The following TRAIP variants were observed in gnomAD, a reference collection of about 807,000 sequenced individuals.
The protein encoded by TRAIP is TRAF interacting protein.
TRAIP carries 37 observed loss-of-function variants against 65.0 expected under a neutral mutation model. The ratio of observed to expected loss-of-function variants is 0.57; its 90% CI spans 0.44 to 0.75. The LOEUF (loss-of-function observed/expected upper bound fraction) is 0.75, where lower values mean the gene tolerates loss of function less well. TRAIP is among the 30% of genes least tolerant of loss of function. TRAIP has a pLI of 0.00. For synonymous variants in TRAIP, 187 were observed against 219.1 expected (o/e 0.85, Z 1.29); for missense variants, 481 against 579.4 (o/e 0.83, Z 1.74).
chr3:49,840,063 C>T (rs2108315098), intron 9 of TRAIP, among the ~76,000 whole-genome samples: 1 of 152,334 alleles, frequency 6.6e-6, no homozygotes, highest in South Asian at 2.1e-4. Context: ...AAGTGCAGGA[C>T]AGACTATGAG....
At chr3:49,856,242 A>T in intron 1 of TRAIP, 114 bp downstream of exon 1, 1 of 878,672 alleles carries the variant, frequency 1.1e-6, no homozygotes, top group Non-Finnish European at 1.8e-6. Flanking sequence ...GTCTAGGAGG[A>T]AGGTTCTCAT....
chr3:49,838,504 A>C (rs2081807774), intron 10 of TRAIP, among the ~76,000 whole-genome samples: 1 of 152,228 alleles, frequency 6.6e-6, no homozygotes, highest in Non-Finnish European at 1.5e-5. Flanking sequence ...GCTCCAAGAG[A>C]ACAGAGAAGG....
intron 11 of TRAIP, among the ~76,000 whole-genome samples, chr3:49,830,878 AG>A (rs1226371240): frequency 3.9e-5 from 6 of 152,324 alleles, no homozygotes; most frequent in African/African-American, 1.4e-4. Flanking sequence ...CCAAGGCTCC[AG>A]GAAGGACGAG....
chr3:49,845,603 AG>A (rs2081875398), intron 3 of TRAIP, among the ~76,000 whole-genome samples: 1 of 152,316 alleles, frequency 6.6e-6, no homozygotes, highest in South Asian at 2.1e-4. Context: ...GTGGTGGGTA[AG>A]GAAGAGCACG....
chr3:49,829,607 C>T lies in TRAIP; in HGVS notation c.1236+10G>A. ...GGCTGGCTCCTGCCACTGTGGGAAG[C>T]CACACTCACCACATCTTTGCTGCAA... On this transcript the variant is annotated intron_variant, in intron 13 of 14. Transcript: ENST00000331456. 1 of 1,614,162 alleles carries T rather than the reference C, an allele frequency of 6.2e-7. No individual in the cohort carries two copies. Among genetic ancestry groups the T allele is most frequent in the Admixed American group, 1.7e-5 (1 of 60,018 alleles).
At chr3:49,855,033 C>A (rs2081960009) in intron 1 of TRAIP, among the ~76,000 whole-genome samples, 1 of 152,120 alleles carries the variant, frequency 6.6e-6, no homozygotes, top group Non-Finnish European at 1.5e-5. Flanking sequence ...CACTGCACTG[C>A]AGCCTGTGTA....
chr3:49,835,311 G>A (rs1243887690), intron 10 of TRAIP, among the ~76,000 whole-genome samples: 1 of 152,206 alleles, frequency 6.6e-6, no homozygotes, highest in Non-Finnish European at 1.5e-5. Context: ...AGTGAAATAA[G>A]CCAGTAATAA....
chr3:49,847,477 A>G (rs2081895117), intron 3 of TRAIP, 48 bp downstream of exon 3: 2 of 1,195,976 alleles, frequency 1.7e-6, no homozygotes, highest in African/African-American at 1.5e-5. Context: ...AGAAAAGTGA[A>G]CTCGCACAAG....
At chr3:49,834,139 C>T (rs1047695272) in intron 10 of TRAIP, among the ~76,000 whole-genome samples, 1 of 152,188 alleles carries the variant, frequency 6.6e-6, no homozygotes, top group South Asian at 2.1e-4. Flanking sequence ...TGGCTCCTGG[C>T]GGCCTTACCC....
chr3:49,829,802 T>C lies in TRAIP; in HGVS notation c.1087-36A>G, dbSNP rs1156599243. 5 of 1,612,290 alleles carry C rather than the reference T, an allele frequency of 3.1e-6. No homozygotes were observed. In the Admixed American group the frequency reaches 5.0e-5, roughly 16 times the overall value. Reference sequence around the variant, plus strand: ...GACCCCAGGGCCAGACTTGATGAGCTGGATGTCAGCAAAGGAGGGAGGGTA... The same window carrying C: ...GACCCCAGGGCCAGACTTGATGAGCCGGATGTCAGCAAAGGAGGGAGGGTA... On this transcript the variant is annotated intron_variant, in intron 12 of 14. Transcript: ENST00000331456.
chr3:49,855,912 T>C (rs114308879), intron 1 of TRAIP, among the ~76,000 whole-genome samples: 1,800 of 152,262 alleles, frequency 0.012, 40 homozygotes, highest in African/African-American at 0.04. Context: ...GGCGAATACA[T>C]TGGGGTGTCT....
At chr3:49,831,630 C>T (rs887978421) in intron 11 of TRAIP, among the ~76,000 whole-genome samples, 1 of 152,220 alleles carries the variant, frequency 6.6e-6, no homozygotes, top group African/African-American at 2.4e-5. Context: ...AGCACCCTCT[C>T]CAGCCCAGAC....
rs763878015 is a variant in TRAIP, at chr3:49,841,019, T to C, written c.671A>G (p.Lys224Arg). The C allele has an allele frequency of 1.4e-5, 22 of 1,614,098 alleles. No homozygotes were observed. Among genetic ancestry groups the C allele is most frequent in the East Asian group, 2.2e-5 (1 of 44,906 alleles). The change falls in exon 8 of 15, where the codon AAG (lysine) becomes AGG (arginine). Residue 224 changes from lysine (K) to arginine (R), a missense_variant. By Grantham distance (26) the Lys-to-Arg change is conservative. Coordinates refer to ENST00000331456, the MANE Select transcript of TRAIP (RefSeq NM_005879.3). ...GGAGGAAAACAAATCCTTCCTCAGC[T>C]TGTCAGCCACCTCCCCTGAGGCCTT... is the stretch of plus-strand genomic sequence containing the variant. ...ARKASGEVAD[K>R]LRKDLFSSRS...
chr3:49,856,511 T>C lies in TRAIP; in HGVS notation c.-58A>G, dbSNP rs1443836306. On this transcript the variant is annotated 5_prime_UTR_variant, in exon 1 of 15. Coordinates refer to ENST00000331456, the MANE Select transcript of TRAIP (RefSeq NM_005879.3). Reference sequence around the variant, plus strand: ...AGAAACTGCTACAGGTCCGGCTTCGTAGACGCGCCCCCGCGCCTCCGCTTG... The same window carrying C: ...AGAAACTGCTACAGGTCCGGCTTCGCAGACGCGCCCCCGCGCCTCCGCTTG... 4.0e-6 allele frequency: 6 copies of C among 1,503,490 alleles called. No individual in the cohort carries two copies. The East Asian group carries it at 9.4e-5, about 24-fold the overall frequency. The allele number at this position is 1,503,490 out of a possible 1,614,324, so 93.1% of individuals were successfully genotyped here. A position where few individuals can be genotyped will look rare whatever the true frequency, so the allele number is the denominator to read the frequency against.
At chr3:49,829,996 G>A (rs781345953) in intron 12 of TRAIP, 24 bp downstream of exon 12, 2 of 1,614,008 alleles carry the variant, frequency 1.2e-6, no homozygotes, top group South Asian at 1.1e-5. Context: ...AGGTTAGACT[G>A]TGCTTCTTCT....
intron 1 of TRAIP, 43 bp downstream of exon 1, chr3:49,856,313 G>A (rs760027954): frequency 1.7e-5 from 26 of 1,558,296 alleles, no homozygotes; most frequent in Non-Finnish European, 2.1e-5. Flanking sequence ...GCCCTGAAGC[G>A]GTACCCGGGC....
chr3:49,850,202 C>CAG (rs35357848), intron 1 of TRAIP, among the ~76,000 whole-genome samples: 73,006 of 151,676 alleles, frequency 0.48, 18,539 homozygotes, highest in African/African-American at 0.61. Flanking sequence ...TCTATTTACA[C>CAG]AGTTTAAAAG....
rs375876463 is a variant in TRAIP, at chr3:49,847,838, C to T, written c.157-230G>A. On this transcript the variant is annotated intron_variant, in intron 2 of 14. Coordinates refer to ENST00000331456, the MANE Select transcript of TRAIP (RefSeq NM_005879.3). ...CTGAAGTCATATTACTACAGACCTA[C>T]ACGGTTAAGTGCTCAAAAGATACCT... is the stretch of plus-strand genomic sequence containing the variant. Among the ~76,000 whole-genome samples, 164 of 152,300 alleles carry T rather than the reference C, an allele frequency of 1.1e-3. 7 individuals carry two copies. The South Asian group carries it at 0.034, about 31-fold the overall frequency.
At position 49,842,441 on chromosome 3, in the gene TRAIP, C is replaced by T. The variant is rs769472431; in HGVS notation, c.503+12G>A. On this transcript the variant is annotated intron_variant, in intron 6 of 14. Transcript: ENST00000331456. Reference sequence around the variant, plus strand: ...GGCAAAGGCACAGTGCAGGACCCAGCTCCAAACTCACTGCTCCATGGTCTT... The same window carrying T: ...GGCAAAGGCACAGTGCAGGACCCAGTTCCAAACTCACTGCTCCATGGTCTT... The T allele has an allele frequency of 6.8e-6, 11 of 1,613,666 alleles. No homozygotes were observed. The highest frequency in any genetic ancestry group is 5.0e-5 in the Admixed American group (3 of 59,990).
Sources: allele counts gnomAD v4.1 joint callset (sites outside exome capture counted in the v4.1 genomes callset), GRCh38; gene constraint gnomAD v4.1.1; transcripts MANE v1.5; gene names NCBI Gene and HGNC (gene_info 2026-07-23, HGNC 2026-07-21).